HS3ST4: variants seen among roughly 807,000 people sequenced by gnomAD.
HS3ST4 encodes the protein heparan sulfate-glucosamine 3-sulfotransferase 4, also known as heparan sulfate glucosamine 3-O-sulfotransferase 4.
A neutral mutation model predicts 29.2 loss-of-function variants in HS3ST4; 17 were observed. The ratio of observed to expected loss-of-function variants is 0.58; its 90% confidence interval spans 0.40 to 0.87. HS3ST4 has a LOEUF of 0.87. HS3ST4 is among the 40% of genes least tolerant of loss of function. The probability of loss-of-function intolerance (pLI) is 0.00; values close to 1 mark genes in which losing one functional copy is unlikely to be tolerated. For missense variants in HS3ST4, 627 were observed against 634.5 expected (o/e 0.99, Z 0.13); for synonymous variants, 314 against 285.7 (o/e 1.10, Z -1.00).
intron 1 of HS3ST4, among the ~76,000 whole-genome samples, chr16:25,911,513 T>A (rs888920883): frequency 6.9e-6 from 1 of 144,108 alleles, no homozygotes; most frequent in South Asian, 2.3e-4. Context: ...TTTTTTTTTT[T>A]TTTTTTTTTT....
intron 1 of HS3ST4, among the ~76,000 whole-genome samples, chr16:26,124,417 G>A (rs1899316012): frequency 6.6e-6 from 1 of 151,948 alleles, no homozygotes; most frequent in South Asian, 2.1e-4. Context: ...ACACTAATAA[G>A]CAATTGTATA....
chr16:26,041,748 T>G (rs530310640), intron 1 of HS3ST4, among the ~76,000 whole-genome samples: 25 of 152,344 alleles, frequency 1.6e-4, no homozygotes, highest in Admixed American at 6.5e-4. Context: ...ATTGGGCCCA[T>G]GGACTGCAAT....
intron 1 of HS3ST4, among the ~76,000 whole-genome samples, chr16:26,090,688 CATAG>C (rs1162638063): frequency 3.9e-5 from 6 of 152,102 alleles, no homozygotes; most frequent in African/African-American, 1.4e-4. Context: ...GGCATGCGAT[CATAG>C]ATAGTCATAA....
At chr16:25,826,619 G>A (rs986915375) in intron 1 of HS3ST4, among the ~76,000 whole-genome samples, 2 of 152,098 alleles carry the variant, frequency 1.3e-5, no homozygotes, top group Non-Finnish European at 2.9e-5. Flanking sequence ...AAATGAACAT[G>A]TGAGGAGTGG....
At chr16:25,948,940 GAT>G (rs1968657252) in intron 1 of HS3ST4, among the ~76,000 whole-genome samples, 1 of 152,142 alleles carries the variant, frequency 6.6e-6, no homozygotes, top group Non-Finnish European at 1.5e-5. Flanking sequence ...GTCTGAGGAT[GAT>G]AACATTGAAC....
Position 25,719,376 on chromosome 16 carries a change from CA to C in HS3ST4, c.734+26227del, listed in dbSNP as rs1966478012. On this transcript the variant is annotated intron_variant, in intron 1 of 1. Transcript: ENST00000331351. ...TGATCTAAATAAGAAGACAGACAGACAAGTGACAATCACAATTTAGCTTAAT... is the reference window on the plus strand; with the variant it reads ...TGATCTAAATAAGAAGACAGACAGACAGTGACAATCACAATTTAGCTTAAT... 9.1e-5 allele frequency among the ~76,000 whole-genome samples: 5 copies of C among 55,168 alleles called. No homozygotes were observed. In the South Asian group the frequency reaches 2.7e-3, roughly 30 times the overall value. 36.2% of individuals were successfully genotyped at this position (55,168 alleles called of 152,430 possible).
At chr16:25,897,257 C>A (rs1968075703) in intron 1 of HS3ST4, among the ~76,000 whole-genome samples, 1 of 152,102 alleles carries the variant, frequency 6.6e-6, no homozygotes, top group Non-Finnish European at 1.5e-5. Flanking sequence ...AGTTCGAGAC[C>A]AGTCTGGGCA....
At chr16:25,757,549 A>G (rs1174588616) in intron 1 of HS3ST4, among the ~76,000 whole-genome samples, 1 of 149,502 alleles carries the variant, frequency 6.7e-6, no homozygotes, top group Non-Finnish European at 1.5e-5. Flanking sequence ...AATACTGTAA[A>G]CCTTTTCAGT....
intron 1 of HS3ST4, among the ~76,000 whole-genome samples, chr16:25,821,301 C>T (rs1567247496): frequency 6.6e-6 from 1 of 152,070 alleles, no homozygotes; most frequent in Non-Finnish European, 1.5e-5. Context: ...TCGTGATCCA[C>T]CTGCTTTGGC....
At chr16:26,079,804 A>G (rs1029079261) in intron 1 of HS3ST4, among the ~76,000 whole-genome samples, 6 of 152,134 alleles carry the variant, frequency 3.9e-5, no homozygotes, top group African/African-American at 1.4e-4. Context: ...TCTCGACTCT[A>G]TTTCAGACAG....
intron 1 of HS3ST4, among the ~76,000 whole-genome samples, chr16:25,724,848 A>G (rs1419692656): frequency 6.6e-6 from 1 of 152,202 alleles, no homozygotes; most frequent in East Asian, 1.9e-4. Flanking sequence ...TTAAAATTTA[A>G]TAACTTTAGA....
intron 1 of HS3ST4, among the ~76,000 whole-genome samples, chr16:26,068,752 G>A (rs966495868): frequency 3.9e-5 from 6 of 151,994 alleles, no homozygotes; most frequent in South Asian, 2.1e-4. Flanking sequence ...TAACATACGA[G>A]ATGTATTTTG....
intron 1 of HS3ST4, among the ~76,000 whole-genome samples, chr16:26,035,175 A>G (rs1217059027): frequency 1.3e-5 from 2 of 152,342 alleles, no homozygotes; most frequent in African/African-American, 2.4e-5. Flanking sequence ...ACATTCTCAG[A>G]AGGAAGAATA....
At chr16:25,945,252 TATAAC>T (rs1968613678) in intron 1 of HS3ST4, among the ~76,000 whole-genome samples, 3 of 152,208 alleles carry the variant, frequency 2.0e-5, no homozygotes, top group South Asian at 4.1e-4. Flanking sequence ...TTAAGAAAAT[TATAAC>T]ATACTGGCCA....
At chr16:25,769,990 G>A (rs1966839864) in intron 1 of HS3ST4, among the ~76,000 whole-genome samples, 1 of 152,174 alleles carries the variant, frequency 6.6e-6, no homozygotes, top group Non-Finnish European at 1.5e-5. Flanking sequence ...GGGGGTCACT[G>A]AAAGGATTTT....
chr16:25,897,804 A>G lies in HS3ST4; in HGVS notation c.734+204653A>G, dbSNP rs866013656. On this transcript the variant is annotated intron_variant, in intron 1 of 1. Transcript: ENST00000331351. ...GACTCTGGCTGATGAGATGTTCTTT[A>G]GAGCAAGGTTTCAAATCTTTTTTTA... Among the ~76,000 whole-genome samples the G allele has an allele frequency of 5.9e-5, 9 of 152,124 alleles. No homozygotes were observed. The South Asian group carries it at 1.9e-3, about 32-fold the overall frequency.
At chr16:25,881,148 A>G (rs2141664115) in intron 1 of HS3ST4, among the ~76,000 whole-genome samples, 1 of 152,308 alleles carries the variant, frequency 6.6e-6, no homozygotes, top group Admixed American at 6.5e-5. Flanking sequence ...TAAATAAACA[A>G]GAATGGTAGG....
At chr16:25,696,941 T>C (rs567599735) in intron 1 of HS3ST4, among the ~76,000 whole-genome samples, 1 of 152,346 alleles carries the variant, frequency 6.6e-6, no homozygotes, top group East Asian at 1.9e-4. Context: ...ATTTCCACTT[T>C]ACACGTGGCT....
intron 1 of HS3ST4, among the ~76,000 whole-genome samples, chr16:25,841,319 A>G (rs1967411255): frequency 6.6e-6 from 1 of 151,836 alleles, no homozygotes; most frequent in African/African-American, 2.4e-5. Flanking sequence ...TATTTTTTTG[A>G]AACAGAGTTT....
Sources: gnomAD v4.1 joint callset for allele counts (sites outside exome capture counted in the v4.1 genomes callset) on GRCh38, gnomAD v4.1.1 for gene constraint, MANE v1.5 for transcripts, NCBI Gene and HGNC (gene_info 2026-07-23, HGNC 2026-07-21) for gene names.